The following SASH1 variants were observed in gnomAD, a reference collection of about 807,000 sequenced individuals.
The protein encoded by SASH1 is SAM and SH3 domain-containing protein 1.
Under a neutral mutation model 125.2 loss-of-function variants are expected in SASH1, and 44 were observed. The ratio of observed to expected loss-of-function variants is 0.35; its 90% confidence interval spans 0.28 to 0.45. SASH1 has a LOEUF of 0.45. Among genes scored for constraint, SASH1 ranks in the 20% least tolerant of loss-of-function variants. The pLI is 1.00. For synonymous variants in SASH1, 639 were observed against 649.1 expected, an observed-to-expected ratio of 0.98 and a Z score of 0.24; for missense variants, 1,426 against 1,614.5, an observed-to-expected ratio of 0.88 and a Z score of 2.00.
At chr6:148,407,780 G>C (rs1414939650) in intron 2 of SASH1, among the ~76,000 whole-genome samples, 2 of 151,934 alleles carry the variant, frequency 1.3e-5, no homozygotes, top group African/African-American at 4.8e-5. Context: ...CTACAGGCGC[G>C]CACCACCACA....
intron 1 of SASH1, among the ~76,000 whole-genome samples, chr6:148,294,179 A>T (rs9485268): frequency 0.018 from 2,699 of 152,358 alleles, 71 homozygotes; most frequent in African/African-American, 0.062. Context: ...GCACAAAAAA[A>T]TTCGGGTCCA....
the SASH1 span, among the ~76,000 whole-genome samples, chr6:148,225,117 A>G: frequency 1.1e-4 from 17 of 152,182 alleles, no homozygotes; most frequent in Non-Finnish European, 1.0e-4. Flanking sequence ...GGGTGGAAAG[A>G]AGTCCTGTGA....
At chr6:148,262,687 C>T in the SASH1 span, among the ~76,000 whole-genome samples, 1 of 152,128 alleles carries the variant, frequency 6.6e-6, no homozygotes, top group East Asian at 1.9e-4. Flanking sequence ...AGTTTGAGAC[C>T]AGCCTGGCCA....
intron 8 of SASH1, among the ~76,000 whole-genome samples, chr6:148,503,478 CATTGT>C (rs1213735825): frequency 6.6e-6 from 1 of 152,128 alleles, no homozygotes; most frequent in Non-Finnish European, 1.5e-5. Flanking sequence ...ATCATTAATA[CATTGT>C]ATTGTATTGA....
At chr6:148,231,727 C>T in the SASH1 span, among the ~76,000 whole-genome samples, 2 of 151,604 alleles carry the variant, frequency 1.3e-5, no homozygotes, top group Admixed American at 6.6e-5. Flanking sequence ...TAAGGACGAC[C>T]TTTAATACAA....
rs533879373 is a variant in SASH1, at chr6:148,550,433, T to C, written c.*1875T>C. 3.5e-4 allele frequency: 53 copies of C among 152,378 alleles called. No homozygotes were observed. Among genetic ancestry groups the C allele is most frequent in the African/African-American group, 1.3e-3 (53 of 41,600 alleles). 9.4% of individuals were successfully genotyped at this position (152,378 alleles called of 1,614,324 possible). A position where few individuals can be genotyped will look rare whatever the true frequency, so the allele number is the denominator to read the frequency against. The stretch of plus-strand genomic sequence containing the variant: ...CTTTAGCATATTGCTTATGTCTGGA[T>C]CCATGTTTCTGAGGAAAAAGACATT... On this transcript the variant is annotated 3_prime_UTR_variant, in exon 20 of 20. Transcript: ENST00000367467.
chr6:148,545,870 G>A, intron 18 of SASH1, 145 bp from the exon 19 acceptor site: 2 of 752,846 alleles, frequency 2.7e-6, no homozygotes, highest in East Asian at 2.9e-5. Context: ...GAGCCCAGGA[G>A]TTTGAGGCTG....
chr6:148,288,225 C>A (rs1486378847), intron 1 of SASH1, among the ~76,000 whole-genome samples: 1 of 152,168 alleles, frequency 6.6e-6, no homozygotes, highest in Admixed American at 6.6e-5. Context: ...GTCAAGTGTG[C>A]TTTTCAATCA....
chr6:148,370,226 A>AGAC (rs1782657590), intron 1 of SASH1, among the ~76,000 whole-genome samples: 1 of 152,178 alleles, frequency 6.6e-6, no homozygotes, highest in Non-Finnish European at 1.5e-5. Flanking sequence ...TTAAAAAACA[A>AGAC]ATTGTGATAT....
chr6:148,330,232 C>T (rs538106592), intron 1 of SASH1, among the ~76,000 whole-genome samples: 13 of 152,322 alleles, frequency 8.5e-5, no homozygotes, highest in African/African-American at 3.1e-4. Context: ...ATTGTGCAAG[C>T]ATACATCAAC....
At chr6:148,494,885 A>G (rs1779253522) in intron 8 of SASH1, among the ~76,000 whole-genome samples, 1 of 152,250 alleles carries the variant, frequency 6.6e-6, no homozygotes, top group Admixed American at 6.5e-5. Flanking sequence ...GGTCTCAACT[A>G]AAATATCCCC....
At chr6:148,420,054 C>T (rs969364133) in intron 2 of SASH1, among the ~76,000 whole-genome samples, 2 of 152,030 alleles carry the variant, frequency 1.3e-5, no homozygotes, top group East Asian at 1.9e-4. Flanking sequence ...GAAGTGTGTG[C>T]GTATTGAATA....
the SASH1 span, among the ~76,000 whole-genome samples, chr6:148,218,744 G>A: frequency 1.3e-5 from 2 of 152,182 alleles, no homozygotes; most frequent in African/African-American, 4.8e-5. Flanking sequence ...CGCAGTCAGA[G>A]GGATTTAAAT....
chr6:148,329,049 C>T (rs1374735148), intron 1 of SASH1, among the ~76,000 whole-genome samples: 2 of 152,088 alleles, frequency 1.3e-5, no homozygotes, highest in Non-Finnish European at 2.9e-5. Context: ...GATTTCCTGC[C>T]CCAATAGGTG....
intron 1 of SASH1, among the ~76,000 whole-genome samples, chr6:148,374,895 C>T (rs770554255): frequency 6.6e-6 from 1 of 152,174 alleles, no homozygotes; most frequent in Non-Finnish European, 1.5e-5. Context: ...CGGGGTTTCG[C>T]CATGTTGGCC....
At chr6:148,199,743 G>A in the SASH1 span, among the ~76,000 whole-genome samples, 1 of 149,180 alleles carries the variant, frequency 6.7e-6, no homozygotes, top group African/African-American at 2.5e-5. Flanking sequence ...AGAGAGAGAG[G>A]AGAAAGAAAG....
the SASH1 span, among the ~76,000 whole-genome samples, chr6:148,219,294 C>T: frequency 3.3e-5 from 5 of 152,292 alleles, no homozygotes; most frequent in South Asian, 1.0e-3. Flanking sequence ...ATATCTTAAA[C>T]TTTGCAGTAA....
At chr6:148,447,826 G>A (rs1338268717) in intron 4 of SASH1, among the ~76,000 whole-genome samples, 1 of 151,878 alleles carries the variant, frequency 6.6e-6, no homozygotes, top group Admixed American at 6.6e-5. Context: ...TGCTCCCTAG[G>A]CAGAGCAAAA....
chr6:148,513,536 C>T, intron 8 of SASH1: 1 of 985,498 alleles, frequency 1.0e-6, no homozygotes, highest in Non-Finnish European at 1.2e-6. Context: ...GCCTGGGTCA[C>T]TGCTGCAGAG....
Sources: allele counts gnomAD v4.1 joint callset (sites outside exome capture counted in the v4.1 genomes callset), GRCh38; gene constraint gnomAD v4.1.1; transcripts MANE v1.5; gene names NCBI Gene and HGNC (gene_info 2026-07-23, HGNC 2026-07-21).